Variants in ZC3H12B observed in about 807,000 individuals in gnomAD.
ZC3H12B encodes the protein zinc finger CCCH-type containing 12B.
In ZC3H12B, 7 loss-of-function variants were observed where a neutral mutation model predicts 43.9. The ratio of observed to expected loss-of-function variants is 0.16; its 90% CI spans 0.09 to 0.30. The LOEUF (loss-of-function observed/expected upper bound fraction) is 0.30. Among genes scored for constraint, ZC3H12B ranks in the 10% least tolerant of loss-of-function variants. The probability of loss-of-function intolerance (pLI) is 1.00; values close to 1 mark genes in which losing one functional copy is unlikely to be tolerated. For synonymous variants in ZC3H12B, 222 were observed against 241.7 expected (o/e 0.92, Z 0.76); for missense variants, 475 against 670.2 (o/e 0.71, Z 3.22).
chrX:65,380,723 C>G (rs1472639659), intron 2 of ZC3H12B, among the ~76,000 whole-genome samples: 3 of 111,685 alleles, frequency 2.7e-5, no homozygotes, highest in South Asian at 3.7e-4. Context: ...ATCTCACGGG[C>G]AGAGACACAC....
rs111853414 is a variant in ZC3H12B at position 65,452,841 on chromosome X, A to AACAC, written n.408-35770_408-35767dup. 6.7e-3 allele frequency among the ~76,000 whole-genome samples: 620 copies of AACAC among 92,245 alleles called. 11 individuals carry two copies. The South Asian group carries it at 0.071, about 11-fold the overall frequency. 80.1% of individuals were successfully genotyped at this position (92,245 alleles called of 115,157 possible). A position where few individuals can be genotyped will look rare whatever the true frequency, so the allele number is the denominator to read the frequency against. Reference sequence around the variant, plus strand: ...GGGCAACAGAGTGAGACTCCATCTAAACACACACACACACACACACACACA... The same window carrying AACAC: ...GGGCAACAGAGTGAGACTCCATCTAAACACACACACACACACACACACACACACA... On this transcript the variant is annotated intron_variant and non_coding_transcript_variant, in intron 3 of 5. Transcript: ENST00000617377.
At chrX:65,111,538 T>C in the ZC3H12B span, among the ~76,000 whole-genome samples, 1 of 94,513 alleles carries the variant, frequency 1.1e-5, no homozygotes, top group Admixed American at 1.0e-4. Flanking sequence ...GCAATTTTTA[T>C]TTTTTTATTT....
At chrX:65,330,531 G>A in the ZC3H12B span, among the ~76,000 whole-genome samples, 1 of 111,340 alleles carries the variant, frequency 9.0e-6, no homozygotes, top group African/African-American at 3.3e-5. Flanking sequence ...GTATGATATG[G>A]GCTGTGGGTT....
chrX:65,311,832 A>T, the ZC3H12B span, among the ~76,000 whole-genome samples: 20 of 111,552 alleles, frequency 1.8e-4, no homozygotes, highest in African/African-American at 5.9e-4. Context: ...GGATGAGTTC[A>T]TGTCCTTTGC....
chrX:65,159,627 T>C, the ZC3H12B span, among the ~76,000 whole-genome samples: 1 of 112,238 alleles, frequency 8.9e-6, no homozygotes, highest in Non-Finnish European at 1.9e-5. Context: ...CATGAGACTT[T>C]GCTGAAGTTG....
chrX:65,471,307 A>G (rs995021278), intron 3 of ZC3H12B, among the ~76,000 whole-genome samples: 6 of 110,299 alleles, frequency 5.4e-5, no homozygotes, highest in Admixed American at 9.8e-5. Context: ...AGTCTATTCT[A>G]TGATATAAGA....
At chrX:65,327,966 C>T in the ZC3H12B span, 2 of 188,635 alleles carry the variant, frequency 1.1e-5, no homozygotes, top group South Asian at 1.2e-4. Context: ...TAGATCCAAA[C>T]ATAACTGAGT....
chrX:65,268,371 A>G, the ZC3H12B span, among the ~76,000 whole-genome samples: 6 of 111,946 alleles, frequency 5.4e-5, no homozygotes, highest in Non-Finnish European at 1.1e-4. Context: ...AAACTCTTTC[A>G]AAAAAGAGAG....
In ZC3H12B at chrX:65,503,502, T is replaced by G. The variant is rs192719288; in HGVS notation, c.*293T>G. ...ATCCAAGTCCCATGCCCCTTTGCAC[T>G]GCACCATGCAGGTAATGGAGGACAA... On this transcript the variant is annotated 3_prime_UTR_variant, in exon 5 of 5. Coordinates refer to ENST00000338957, the Ensembl canonical transcript of ZC3H12B. 1.8e-3 allele frequency: 373 copies of G among 203,137 alleles called. 1 individual carries two copies. Among genetic ancestry groups the G allele is most frequent in the South Asian group, 0.01 (49 of 4,788 alleles). 16.7% of individuals were successfully genotyped at this position (203,137 alleles called of 1,213,427 possible). A position where few individuals can be genotyped will look rare whatever the true frequency, so the allele number is the denominator to read the frequency against.
the ZC3H12B span, among the ~76,000 whole-genome samples, chrX:65,101,924 C>G: frequency 8.9e-6 from 1 of 112,112 alleles, no homozygotes; most frequent in African/African-American, 3.2e-5. Flanking sequence ...GGCAGAGACA[C>G]AACAAGAAAA....
At chrX:65,192,535 T>C in the ZC3H12B span, among the ~76,000 whole-genome samples, 1 of 111,032 alleles carries the variant, frequency 9.0e-6, no homozygotes, top group Non-Finnish European at 1.9e-5. Context: ...CTGTACCCAG[T>C]TTTTTGGTAG....
chrX:65,143,467 A>T, the ZC3H12B span, among the ~76,000 whole-genome samples: 5 of 109,935 alleles, frequency 4.5e-5, no homozygotes, highest in Admixed American at 2.9e-4. Flanking sequence ...ATTTTTTTTA[A>T]TATTGTTTAT....
chrX:65,455,074 C>T lies in ZC3H12B; in HGVS notation n.408-33572C>T, dbSNP rs182436059. The stretch of plus-strand genomic sequence containing the variant: ...AAATTCTAAAAATCAGAGCACCTCT[C>T]CTCCTCCAAAGGAATGCAGCTCCTC... On this transcript the variant is annotated intron_variant and non_coding_transcript_variant, in intron 3 of 5. Coordinates refer to the ZC3H12B transcript ENST00000617377. Among the ~76,000 whole-genome samples the T allele has an allele frequency of 3.9e-3, 436 of 112,254 alleles. 3 individuals are homozygous for T. The highest frequency in any genetic ancestry group is 6.3e-3 in the Non-Finnish European group (334 of 53,264).
the ZC3H12B span, among the ~76,000 whole-genome samples, chrX:65,315,746 C>T: frequency 3.6e-5 from 4 of 112,125 alleles, no homozygotes; most frequent in African/African-American, 1.3e-4. Context: ...ACTATGGCAA[C>T]TTAAACAGCC....
chrX:65,202,164 T>TTATATGA, the ZC3H12B span, among the ~76,000 whole-genome samples: 1 of 98,249 alleles, frequency 1.0e-5, no homozygotes, highest in African/African-American at 3.5e-5. Flanking sequence ...ATATTATATA[T>TTATATGA]AATATATATT....
At chrX:65,507,830 G>A (rs1005513893) in exon 5 of ZC3H12B, 8 of 112,407 alleles carry the variant, frequency 7.1e-5, no homozygotes, top group Non-Finnish European at 1.5e-4. Context: ...CTGTATTGCT[G>A]ACAACAATGA....
At chrX:65,125,723 T>C in the ZC3H12B span, among the ~76,000 whole-genome samples, 1 of 111,295 alleles carries the variant, frequency 9.0e-6, no homozygotes, top group Admixed American at 9.5e-5. Context: ...TTATATAATT[T>C]CCTTCTTTGT....
the ZC3H12B span, among the ~76,000 whole-genome samples, chrX:65,047,165 A>C: frequency 1.8e-5 from 2 of 111,682 alleles, no homozygotes; most frequent in Non-Finnish European, 3.8e-5. Flanking sequence ...AGATTTGCTC[A>C]ATGCAGGGTT....
At chrX:65,155,945 C>G in the ZC3H12B span, among the ~76,000 whole-genome samples, 9 of 110,447 alleles carry the variant, frequency 8.1e-5, no homozygotes, top group African/African-American at 2.6e-4. Context: ...TTTCAAATTG[C>G]CTTTAAACTA....
Sources: gnomAD v4.1 joint callset for allele counts (sites outside exome capture counted in the v4.1 genomes callset) on GRCh38, gnomAD v4.1.1 for gene constraint, MANE v1.5 for transcripts, NCBI Gene and HGNC (gene_info 2026-07-23, HGNC 2026-07-21) for gene names.